Variants in DENND1A observed in about 807,000 individuals in gnomAD.
DENND1A encodes the protein DENN domain containing 1A.
A neutral mutation model predicts 113.7 loss-of-function variants in DENND1A; 51 were observed. The ratio of observed to expected loss-of-function variants is 0.45; its 90% confidence interval spans 0.36 to 0.57. DENND1A has a LOEUF of 0.57. DENND1A is among the 20% of genes least tolerant of loss of function. The pLI is 0.00. For missense variants in DENND1A, 1,258 were observed against 1,395.9 expected, an observed-to-expected ratio of 0.90 and a Z score of 1.57; for synonymous variants, 565 against 570.8, an observed-to-expected ratio of 0.99 and a Z score of 0.14.
chr9:123,916,848 A>T (rs1247534680), intron 1 of DENND1A, among the ~76,000 whole-genome samples: 1 of 152,150 alleles, frequency 6.6e-6, no homozygotes, highest in African/African-American at 2.4e-5. Context: ...TAAAAATCAA[A>T]TTATTTTTAA....
chr9:123,578,114 G>A (rs2058713966), intron 12 of DENND1A, among the ~76,000 whole-genome samples: 1 of 152,202 alleles, frequency 6.6e-6, no homozygotes, highest in Non-Finnish European at 1.5e-5. Flanking sequence ...CTCTTCAGCT[G>A]AGTAGCTCCC....
At chr9:123,789,568 T>C (rs1318715203) in intron 3 of DENND1A, among the ~76,000 whole-genome samples, 1 of 152,078 alleles carries the variant, frequency 6.6e-6, no homozygotes, top group African/African-American at 2.4e-5. Context: ...TAGCAGACAA[T>C]TAAGACAGAG....
At chr9:123,915,374 T>A (rs1854899200) in intron 1 of DENND1A, among the ~76,000 whole-genome samples, 1 of 151,930 alleles carries the variant, frequency 6.6e-6, no homozygotes, top group South Asian at 2.1e-4. Context: ...AAAAGACAAA[T>A]CACAGAAGAT....
intron 5 of DENND1A, among the ~76,000 whole-genome samples, chr9:123,693,686 A>G (rs2065313795): frequency 6.6e-6 from 1 of 151,980 alleles, no homozygotes; most frequent in Non-Finnish European, 1.5e-5. Context: ...GGACATGCCC[A>G]TGTATCACAA....
intron 5 of DENND1A, among the ~76,000 whole-genome samples, chr9:123,737,257 C>T (rs1338819773): frequency 6.6e-6 from 1 of 152,118 alleles, no homozygotes; most frequent in African/African-American, 2.4e-5. Context: ...TGCAGTGGTG[C>T]AATCATAGCT....
chr9:123,801,879 T>A (rs1181485108), intron 2 of DENND1A, among the ~76,000 whole-genome samples: 1 of 152,206 alleles, frequency 6.6e-6, no homozygotes, highest in African/African-American at 2.4e-5. Context: ...TTCACCTTTC[T>A]CATCTTCCCA....
chr9:123,666,252 G>C (rs2063487960), intron 8 of DENND1A, among the ~76,000 whole-genome samples: 1 of 152,144 alleles, frequency 6.6e-6, no homozygotes, highest in African/African-American at 2.4e-5. Context: ...GTGTCTAAGT[G>C]GTAGACATTC....
chr9:123,560,147 G>A (rs939066609), intron 12 of DENND1A, among the ~76,000 whole-genome samples: 7 of 152,150 alleles, frequency 4.6e-5, no homozygotes, highest in Admixed American at 6.5e-5. Flanking sequence ...ATGCTGCTAC[G>A]AAGATTCATG....
At chr9:123,516,787 G>C (rs1438086674) in intron 13 of DENND1A, among the ~76,000 whole-genome samples, 1 of 149,530 alleles carries the variant, frequency 6.7e-6, no homozygotes, top group East Asian at 2.0e-4. Flanking sequence ...GGGAGGCTGA[G>C]GCAGGAGAAT....
intron 11 of DENND1A, among the ~76,000 whole-genome samples, chr9:123,595,640 G>A (rs192794782): frequency 6.6e-6 from 1 of 152,208 alleles, no homozygotes; most frequent in Admixed American, 6.5e-5. Flanking sequence ...TCACTTACCA[G>A]CTAGGCAGCT....
intron 5 of DENND1A, among the ~76,000 whole-genome samples, chr9:123,728,479 C>CCAAAAAA (rs2067883592): frequency 1.2e-4 from 3 of 25,182 alleles, no homozygotes; most frequent in Admixed American, 7.3e-4. Context: ...CTCTGTCTCC[C>CCAAAAAA]AAAAAAAAAA....
At chr9:123,612,981 G>T (rs2060482015) in intron 10 of DENND1A, among the ~76,000 whole-genome samples, 1 of 152,106 alleles carries the variant, frequency 6.6e-6, no homozygotes, top group South Asian at 2.1e-4. Context: ...ATGGTTTCTT[G>T]TTCCAGCCCT....
At chr9:123,798,184 C>T (rs1834057783) in intron 2 of DENND1A, 1 of 152,146 alleles carries the variant, frequency 6.6e-6, no homozygotes, top group African/African-American at 2.4e-5. Flanking sequence ...AGCCTGATAA[C>T]ATAGGAACAG....
intron 19 of DENND1A, among the ~76,000 whole-genome samples, chr9:123,436,002 C>G (rs567594156): frequency 6.6e-6 from 1 of 152,316 alleles, no homozygotes; most frequent in African/African-American, 2.4e-5. Flanking sequence ...CCACAGGGGT[C>G]CTCGGGAGGG....
At chr9:123,674,687 CT>C (rs1171117145) in intron 6 of DENND1A, among the ~76,000 whole-genome samples, 1 of 152,202 alleles carries the variant, frequency 6.6e-6, no homozygotes, top group Non-Finnish European at 1.5e-5. Context: ...CAGAGTCCTG[CT>C]GAAGCAATCG....
intron 13 of DENND1A, among the ~76,000 whole-genome samples, chr9:123,478,312 G>A (rs1342815288): frequency 2.6e-5 from 4 of 152,208 alleles, no homozygotes; most frequent in Non-Finnish European, 4.4e-5. Context: ...AAGCGTCCAG[G>A]GCATAGGGCC....
intron 9 of DENND1A, among the ~76,000 whole-genome samples, chr9:123,638,066 C>CAA (rs2061813213): frequency 6.6e-6 from 1 of 152,126 alleles, no homozygotes; most frequent in African/African-American, 2.4e-5. Context: ...GGCAATCAAC[C>CAA]GCCTGCTTAA....
intron 13 of DENND1A, among the ~76,000 whole-genome samples, chr9:123,476,730 T>C (rs1436549328): frequency 6.6e-6 from 1 of 152,174 alleles, no homozygotes; most frequent in Non-Finnish European, 1.5e-5. Context: ...CCAGGTACCC[T>C]TCTAGGTGTT....
At chr9:123,679,928 G>C (rs1380463111) in intron 5 of DENND1A, among the ~76,000 whole-genome samples, 1 of 152,110 alleles carries the variant, frequency 6.6e-6, no homozygotes, top group East Asian at 1.9e-4. Flanking sequence ...GACGGCTTGA[G>C]TCCCCACTGC....
Sources: allele counts gnomAD v4.1 joint callset (sites outside exome capture counted in the v4.1 genomes callset), GRCh38; gene constraint gnomAD v4.1.1; transcripts MANE v1.5; gene names NCBI Gene and HGNC (gene_info 2026-07-23, HGNC 2026-07-21).